Variants in ABCB4 observed in about 807,000 individuals in gnomAD.
ABCB4 encodes the protein phosphatidylcholine translocator ABCB4.
In ABCB4, 76 loss-of-function variants were observed where a neutral mutation model predicts 145.7. That is an observed-to-expected ratio of 0.52 (90% CI 0.43 to 0.63). ABCB4 has a LOEUF of 0.63. Among genes scored for constraint, ABCB4 ranks in the 30% least tolerant of loss-of-function variants. The pLI is 0.00. For missense variants in ABCB4, 1,234 were observed against 1,553.1 expected (o/e 0.79, Z 3.45); for synonymous variants, 517 against 566.8 (o/e 0.91, Z 1.25).
chr7:87,440,750 CT>C (rs897140796), intron 12 of ABCB4, among the ~76,000 whole-genome samples: 2 of 151,052 alleles, frequency 1.3e-5, no homozygotes, highest in African/African-American at 4.9e-5. Context: ...TGGTGTTCTG[CT>C]TTTTTTTTGA....
chr7:87,386,147 C>T, the ABCB4 span, among the ~76,000 whole-genome samples: 3 of 152,184 alleles, frequency 2.0e-5, no homozygotes, highest in East Asian at 5.8e-4. Context: ...GTGTCCTTTT[C>T]TGGTTTTGGT....
At position 87,418,624 on chromosome 7, in the gene ABCB4, T is replaced by C. The variant is rs370433254; in HGVS notation, c.2395-4A>G. ...GGTCATCAAACCAGCTCATGTCCTA[T>C]GGCATAAAATACACGTTTATGTTAG... is the stretch of plus-strand genomic sequence containing the variant. On this transcript the variant is annotated splice_region_variant and splice_polypyrimidine_tract_variant and intron_variant, in intron 19 of 27. Transcript: ENST00000649586. 1.2e-6 allele frequency: 2 copies of C among 1,613,500 alleles called. No individual in the cohort carries two copies. Among genetic ancestry groups the C allele is most frequent in the African/African-American group, 2.7e-5 (2 of 74,900 alleles).
chr7:87,388,410 A>G, the ABCB4 span, among the ~76,000 whole-genome samples: 1 of 152,248 alleles, frequency 6.6e-6, no homozygotes. Flanking sequence ...ACAGCATGTT[A>G]CTGGTACCAA....
chr7:87,418,431 T>C (rs1809149919), intron 20 of ABCB4, 106 bp downstream of exon 20: 1 of 1,071,248 alleles, frequency 9.3e-7, no homozygotes, highest in Non-Finnish European at 1.4e-6. Context: ...TGATTTGAGC[T>C]TTCTGCTATT....
chr7:87,383,409 A>G, the ABCB4 span, among the ~76,000 whole-genome samples: 2 of 152,098 alleles, frequency 1.3e-5, no homozygotes, highest in African/African-American at 2.4e-5. Context: ...AAAGTTATCC[A>G]GCCTTACCCA....
At chr7:87,457,395 G>A (rs182053620) in intron 4 of ABCB4, among the ~76,000 whole-genome samples, 1 of 152,210 alleles carries the variant, frequency 6.6e-6, no homozygotes, top group Admixed American at 6.5e-5. Flanking sequence ...GGGCAACAGA[G>A]CAAGACCCTG....
At chr7:87,392,862 T>C in the ABCB4 span, 1 of 1,609,318 alleles carries the variant, frequency 6.2e-7, no homozygotes, top group African/African-American at 1.3e-5. Context: ...ATCAATTGGC[T>C]TCCTCTTTTT....
intron 3 of ABCB4, among the ~76,000 whole-genome samples, chr7:87,470,729 A>C (rs1323049074): frequency 6.6e-6 from 1 of 152,180 alleles, no homozygotes; most frequent in African/African-American, 2.4e-5. Context: ...CAGGTGCTGG[A>C]GAGGATGTGG....
intron 3 of ABCB4, among the ~76,000 whole-genome samples, chr7:87,467,020 T>C (rs909786994): frequency 2.0e-5 from 3 of 152,144 alleles, no homozygotes; most frequent in Admixed American, 6.5e-5. Flanking sequence ...GCTAAAATCA[T>C]AATGACAGGA....
chr7:87,374,622 A>C, the ABCB4 span, among the ~76,000 whole-genome samples: 2 of 152,094 alleles, frequency 1.3e-5, no homozygotes, highest in South Asian at 4.1e-4. Flanking sequence ...TTGCTCTGCT[A>C]TAGATGCAGA....
At chr7:87,380,579 T>G in the ABCB4 span, among the ~76,000 whole-genome samples, 3 of 152,236 alleles carry the variant, frequency 2.0e-5, no homozygotes, top group Admixed American at 1.3e-4. Flanking sequence ...TGTAAATACA[T>G]ATTGCCTCTG....
intron 11 of ABCB4, 89 bp downstream of exon 11, chr7:87,443,573 AT>A (rs1811134470): frequency 3.3e-6 from 5 of 1,524,240 alleles, no homozygotes; most frequent in Non-Finnish European, 4.5e-6. Context: ...GAAAAGGCAC[AT>A]AAGTATCAAA....
intron 7 of ABCB4, among the ~76,000 whole-genome samples, chr7:87,450,468 A>AGTT (rs1554409504): frequency 7.6e-6 from 1 of 131,224 alleles, no homozygotes; most frequent in African/African-American, 3.0e-5. Flanking sequence ...TTGTGTCACA[A>AGTT]TTTTTTTTTT....
chr7:87,465,371 G>C (rs972200543), intron 3 of ABCB4, among the ~76,000 whole-genome samples: 1 of 152,082 alleles, frequency 6.6e-6, no homozygotes, highest in Non-Finnish European at 1.5e-5. Flanking sequence ...TAAACAAAGC[G>C]GCCAGGAAGC....
chr7:87,396,273 T>C, the ABCB4 span, among the ~76,000 whole-genome samples: 1 of 151,972 alleles, frequency 6.6e-6, no homozygotes, highest in Admixed American at 6.6e-5. Context: ...TATTAAAAAA[T>C]TTGAAAAATC....
At chr7:87,450,901 A>T (rs1811676404) in intron 7 of ABCB4, among the ~76,000 whole-genome samples, 1 of 152,170 alleles carries the variant, frequency 6.6e-6, no homozygotes, top group Non-Finnish European at 1.5e-5. Flanking sequence ...GATGAGCAAA[A>T]ATTGCCAGTA....
intron 16 of ABCB4, 70 bp downstream of exon 16, chr7:87,426,680 G>A: frequency 1.3e-6 from 2 of 1,503,488 alleles, no homozygotes; most frequent in Non-Finnish European, 9.2e-7. Context: ...ATATTTGCAA[G>A]GCTAAGAATT....
the ABCB4 span, among the ~76,000 whole-genome samples, chr7:87,388,382 A>G: frequency 6.6e-6 from 1 of 152,224 alleles, no homozygotes; most frequent in Non-Finnish European, 1.5e-5. Flanking sequence ...ACTGTACTAC[A>G]AGGCTACAGT....
chr7:87,411,748 G>A, intron 23 of ABCB4, 145 bp downstream of exon 23: 1 of 705,884 alleles, frequency 1.4e-6, no homozygotes, highest in Non-Finnish European at 2.4e-6. Flanking sequence ...AGATCTCTGT[G>A]CCTGCCAGGA....
Sources: gnomAD v4.1 joint callset for allele counts (sites outside exome capture counted in the v4.1 genomes callset) on GRCh38, gnomAD v4.1.1 for gene constraint, MANE v1.5 for transcripts, NCBI Gene and HGNC (gene_info 2026-07-23, HGNC 2026-07-21) for gene names.